The following RPRD2 variants were observed in gnomAD, a reference collection of about 807,000 sequenced individuals.
RPRD2 encodes regulation of nuclear pre-mRNA domain containing 2.
In RPRD2, 12 loss-of-function variants were observed where a neutral mutation model predicts 104.4. The observed-to-expected ratio is 0.11, with a 90% confidence interval of 0.07 to 0.19. The LOEUF is 0.19. Among genes scored for constraint, RPRD2 ranks in the 10% least tolerant of loss-of-function variants. The pLI is 1.00. For missense variants in RPRD2, 1,543 were observed against 1,790.1 expected, an observed-to-expected ratio of 0.86 and a Z score of 2.49; for synonymous variants, 714 against 684.9, an observed-to-expected ratio of 1.04 and a Z score of -0.66.
Position 150,471,901 on chromosome 1 carries a change from A to G in RPRD2, c.2953A>G (p.Thr985Ala), listed in dbSNP as rs1373279623. 1 of 1,613,738 alleles carries G rather than the reference A, an allele frequency of 6.2e-7. No individual in the cohort carries two copies. Among genetic ancestry groups the G allele is most frequent in the African/African-American group, 1.3e-5 (1 of 74,856 alleles). ...FSPQNTLAAP[T>A]GHPPTSGVEK... ...TCCGCAGAACACCCTTGCCGCTCCC[A>G]CGGGTCACCCACCCACGTCAGGCGT... Residue 985 changes from threonine to alanine, a missense_variant, in exon 11 of 11, where the codon ACG becomes GCG. Around this residue, in one of 4 missense-constraint regions of RPRD2, gnomAD observed 880 missense variants for 885.6 expected, o/e 0.99. Transcript: ENST00000369068. The surrounding 1 kb of genome is among the most constrained non-coding windows in gnomAD (Gnocchi z 5.3).
Position 150,441,870 on chromosome 1 carries a change from A to G in RPRD2, c.437-11A>G. 6.2e-7 allele frequency: 1 copy of G among 1,608,828 alleles called. No individual in the cohort carries two copies. The highest frequency in any genetic ancestry group is 8.5e-7 in the Non-Finnish European group (1 of 1,176,936). ...ATAATGCCAGATTGCAAAAACTGAA[A>G]TGTTTTCCAGGTACCACTTTCAAAA... On this transcript the variant is annotated splice_polypyrimidine_tract_variant and intron_variant, in intron 3 of 10. Transcript: ENST00000369068.
At chr1:150,438,125 A>T (rs587642686) in intron 2 of RPRD2, among the ~76,000 whole-genome samples, 26 of 151,276 alleles carry the variant, frequency 1.7e-4, no homozygotes, top group East Asian at 3.9e-4. Context: ...CAACTAAAAA[A>T]ATATATATAC....
intron 7 of RPRD2, among the ~76,000 whole-genome samples, chr1:150,456,744 G>T (rs989212176): frequency 6.6e-6 from 1 of 151,852 alleles, no homozygotes; most frequent in Non-Finnish European, 1.5e-5. Context: ...GGCCAACATG[G>T]TGAAACCCCG....
chr1:150,390,745 A>C (rs1469415885), intron 1 of RPRD2, among the ~76,000 whole-genome samples: 1 of 152,184 alleles, frequency 6.6e-6, no homozygotes, highest in Admixed American at 6.6e-5. Context: ...ATTTCCCAGA[A>C]TGTAATGTTA....
At chr1:150,443,164 A>G (rs1351600926) in intron 4 of RPRD2, 67 bp from the exon 5 acceptor site, 3 of 1,189,248 alleles carry the variant, frequency 2.5e-6, no homozygotes, top group South Asian at 2.7e-5. Flanking sequence ...CTATAGAGCT[A>G]AAATTTTTCC....
At chr1:150,437,687 C>T (rs1417138464) in intron 2 of RPRD2, among the ~76,000 whole-genome samples, 4 of 151,976 alleles carry the variant, frequency 2.6e-5, no homozygotes, top group Non-Finnish European at 4.4e-5. Flanking sequence ...TCAACCGATT[C>T]CCCCACCTCA....
chr1:150,399,519 G>A (rs1662804509), intron 1 of RPRD2, among the ~76,000 whole-genome samples: 1 of 152,124 alleles, frequency 6.6e-6, no homozygotes, highest in South Asian at 2.1e-4. Flanking sequence ...CATTTTGGGA[G>A]GCTGAGGCGG....
intron 8 of RPRD2, among the ~76,000 whole-genome samples, chr1:150,459,392 G>T (rs1667766845): frequency 6.6e-6 from 1 of 152,138 alleles, no homozygotes; most frequent in Non-Finnish European, 1.5e-5. Flanking sequence ...AAGAACAGAA[G>T]TTCTTAGAAA....
In RPRD2 at chr1:150,472,476, G is replaced by C; in HGVS notation, c.3528G>C (p.Glu1176Asp). The change falls in exon 11 of 11, where the codon GAG (glutamate) becomes GAC (aspartate). Residue 1176 changes from glutamate (E) to aspartate (D), a missense_variant. This residue lies in a region of RPRD2 where 880 missense variants were observed against 885.6 expected (regional missense o/e 0.99). Transcript: ENST00000369068. ...PYKERAPQFQESVGSFRSNSF... is the reference protein window; with the variant it reads ...PYKERAPQFQDSVGSFRSNSF... ...AGGAACGGGCACCTCAATTTCAGGA[G>C]AGTGTCGGCAGCTTTCGTTCCAACA... 1.2e-6 allele frequency: 2 copies of C among 1,613,982 alleles called. No individual in the cohort carries two copies. Among genetic ancestry groups the C allele is most frequent in the Non-Finnish European group, 1.7e-6 (2 of 1,179,878 alleles).
intron 2 of RPRD2, among the ~76,000 whole-genome samples, chr1:150,427,484 AAAAG>A (rs1439966300): frequency 7.9e-5 from 12 of 151,652 alleles, no homozygotes; most frequent in Non-Finnish European, 2.9e-5. Context: ...AAAAAAAAAA[AAAAG>A]AAAAGAAAAG....
chr1:150,473,556 T>TAAAAAAAAAAA lies in RPRD2; in HGVS notation c.*235_*245dup, dbSNP rs61486244. ...TCTACCTTCCCCAAGTTGTTTGTAT[T>TAAAAAAAAAAA]AAAAAAAAAAAAAAAAAAAAAAAGT... On this transcript the variant is annotated 3_prime_UTR_variant, in exon 11 of 11. Coordinates refer to ENST00000369068, the MANE Select transcript of RPRD2 (RefSeq NM_015203.5). 65 of 98,354 alleles carry TAAAAAAAAAAA rather than the reference T, an allele frequency of 6.6e-4. No individual in the cohort carries two copies. Among genetic ancestry groups the TAAAAAAAAAAA allele is most frequent in the African/African-American group, 1.8e-3 (39 of 21,750 alleles). The allele number at this position is 98,354 out of a possible 1,614,324, so 6.1% of individuals were successfully genotyped here. A position where few individuals can be genotyped will look rare whatever the true frequency, so the allele number is the denominator to read the frequency against.
At chr1:150,385,730 C>T (rs1553881689) in intron 1 of RPRD2, among the ~76,000 whole-genome samples, 1 of 152,148 alleles carries the variant, frequency 6.6e-6, no homozygotes, top group Non-Finnish European at 1.5e-5. Flanking sequence ...TGTTTAACTC[C>T]CCTGAGTAGT....
At chr1:150,470,110 AG>A (rs1259751285) in intron 10 of RPRD2, among the ~76,000 whole-genome samples, 10 of 152,016 alleles carry the variant, frequency 6.6e-5, no homozygotes, top group Non-Finnish European at 1.2e-4. Flanking sequence ...TGAAGGTTGA[AG>A]GTTGGTTTGA....
intron 8 of RPRD2, among the ~76,000 whole-genome samples, chr1:150,458,786 GGTGCATA>G (rs1553898198): frequency 3.3e-5 from 5 of 151,924 alleles, no homozygotes; most frequent in Non-Finnish European, 7.4e-5. Flanking sequence ...ATTGATTGTA[GGTGCATA>G]CCACCACACC....
At chr1:150,419,642 A>T (rs1664616918) in intron 2 of RPRD2, among the ~76,000 whole-genome samples, 1 of 152,020 alleles carries the variant, frequency 6.6e-6, no homozygotes, top group Non-Finnish European at 1.5e-5. Flanking sequence ...TTTTTTTGAG[A>T]TGGAGTTTCG....
chr1:150,410,159 AT>A (rs1663794462), intron 1 of RPRD2, among the ~76,000 whole-genome samples: 1 of 152,126 alleles, frequency 6.6e-6, no homozygotes, highest in African/African-American at 2.4e-5. Flanking sequence ...CTACAATGGA[AT>A]CAGTGGTGAT....
intron 1 of RPRD2, among the ~76,000 whole-genome samples, chr1:150,370,813 C>T (rs150290761): frequency 6.6e-5 from 10 of 152,100 alleles, no homozygotes; most frequent in African/African-American, 2.4e-4. Context: ...TAAGCTCAAG[C>T]AGCCCACCCT....
intron 1 of RPRD2, among the ~76,000 whole-genome samples, chr1:150,388,616 A>ATT (rs71086505): frequency 3.6e-5 from 5 of 137,280 alleles, no homozygotes; most frequent in Non-Finnish European, 4.7e-5. Flanking sequence ...TTGATATGTA[A>ATT]TTTTTTTTTT....
chr1:150,459,042 G>GAT (rs782535375), intron 8 of RPRD2, among the ~76,000 whole-genome samples: 61 of 152,136 alleles, frequency 4.0e-4, no homozygotes, highest in Non-Finnish European at 8.1e-4. Context: ...ACTGTTTTGG[G>GAT]ATGAGGGGTC....
Sources: allele counts gnomAD v4.1 joint callset (sites outside exome capture counted in the v4.1 genomes callset), GRCh38; gene constraint gnomAD v4.1.1; regional missense constraint gnomAD v4.1.1; non-coding constraint Gnocchi (gnomAD v3.1); transcripts MANE v1.5; gene names NCBI Gene and HGNC (gene_info 2026-07-23, HGNC 2026-07-21).